The following HK1 variants were observed in gnomAD, a reference collection of about 807,000 sequenced individuals.
HK1 encodes hexokinase 1.
HK1 carries 28 observed loss-of-function variants against 91.6 expected under a neutral mutation model. The observed-to-expected ratio is 0.31, with a 90% confidence interval of 0.23 to 0.42. The LOEUF (loss-of-function observed/expected upper bound fraction) is 0.42, where lower values mean the gene tolerates loss of function less well. Among genes scored for constraint, HK1 ranks in the 10% least tolerant of loss-of-function variants. The pLI, the probability that HK1 is intolerant of heterozygous loss-of-function variation, is 1.00. For synonymous variants in HK1, 430 were observed against 468.1 expected (o/e 0.92, Z 1.05); for missense variants, 770 against 1,219.8 (o/e 0.63, Z 5.49).
chr10:69,367,933 G>A (rs185979962), intron 4 of HK1, among the ~76,000 whole-genome samples: 57 of 152,330 alleles, frequency 3.7e-4, no homozygotes, highest in African/African-American at 1.3e-3. Context: ...AATATGCAAA[G>A]TGAAATAGGA....
At chr10:69,294,087 T>G (rs1471158884) in intron 3 of HK1, among the ~76,000 whole-genome samples, 1 of 151,982 alleles carries the variant, frequency 6.6e-6, no homozygotes, top group African/African-American at 2.4e-5. Flanking sequence ...GGTCTCGATC[T>G]CCTGACCTTG....
intron 2 of HK1, among the ~76,000 whole-genome samples, chr10:69,283,913 A>T (rs1844894926): frequency 6.6e-6 from 1 of 152,132 alleles, no homozygotes; most frequent in South Asian, 2.1e-4. Context: ...TTTACAGATG[A>T]GGCCCAGAGA....
intron 7 of HK1, among the ~76,000 whole-genome samples, chr10:69,376,541 A>G (rs1178044135): frequency 1.3e-5 from 2 of 152,198 alleles, no homozygotes; most frequent in Non-Finnish European, 2.9e-5. Context: ...ATACGTACAT[A>G]CATAAAGATA....
At chr10:69,356,882 CAAAAAA>C (rs778360296) in intron 2 of HK1, among the ~76,000 whole-genome samples, 4 of 62,044 alleles carry the variant, frequency 6.4e-5, no homozygotes, top group African/African-American at 2.5e-4. Context: ...AACTCCATCT[CAAAAAA>C]AAAAAAAAAA....
In HK1 at chr10:69,280,128, GT is replaced by G. The variant is rs61586535; in HGVS notation, c.-390-2389del. Among the ~76,000 whole-genome samples the G allele has an allele frequency of 4.7e-4, 68 of 143,922 alleles. 1 individual carries two copies. The highest frequency in any genetic ancestry group is 8.9e-4 in the South Asian group (4 of 4,516). The allele number at this position is 143,922 out of a possible 152,430, so 94.4% of individuals were successfully genotyped here. ...CTGGCCAATGATGAAAAAAGGTTTT[GT>G]TTTTTTTTTTTAGACAGAGTCTCGC... On this transcript the variant is annotated intron_variant, in intron 1 of 21. Transcript: ENST00000360289.
At chr10:69,325,009 A>AGGT (rs1847246925) in intron 1 of HK1, among the ~76,000 whole-genome samples, 1 of 151,844 alleles carries the variant, frequency 6.6e-6, no homozygotes, top group South Asian at 2.1e-4. Flanking sequence ...AAACTTTGTA[A>AGGT]GGTGGAGTCA....
intron 2 of HK1, among the ~76,000 whole-genome samples, chr10:69,355,353 G>A (rs1314246571): frequency 6.6e-6 from 1 of 152,100 alleles, no homozygotes; most frequent in Non-Finnish European, 1.5e-5. Flanking sequence ...AATAACCAAA[G>A]CAATCATGAA....
At chr10:69,283,475 A>T (rs1039024748) in intron 2 of HK1, among the ~76,000 whole-genome samples, 1 of 149,488 alleles carries the variant, frequency 6.7e-6, no homozygotes, top group African/African-American at 2.5e-5. Context: ...ATAATAATAT[A>T]AATAAAAATA....
At chr10:69,300,562 C>A in intron 4 of HK1, 1 of 700,780 alleles carries the variant, frequency 1.4e-6, no homozygotes, top group South Asian at 1.6e-5. Flanking sequence ...CTGCATTTCT[C>A]TAGATCTTTG....
chr10:69,398,494 G>A (rs1840239706), intron 16 of HK1, 101 bp from the exon 17 acceptor site: 2 of 817,498 alleles, frequency 2.4e-6, no homozygotes, highest in Non-Finnish European at 4.1e-6. Flanking sequence ...GTCTGTGGAT[G>A]AGTACAGTGA....
intron 3 of HK1, among the ~76,000 whole-genome samples, chr10:69,361,878 C>T (rs899125995): frequency 3.9e-5 from 6 of 151,956 alleles, no homozygotes; most frequent in African/African-American, 4.8e-5. Flanking sequence ...AGTGCAGTGG[C>T]GCGATCTCAG....
At chr10:69,368,109 C>T (rs2132809951) in intron 4 of HK1, among the ~76,000 whole-genome samples, 1 of 152,314 alleles carries the variant, frequency 6.6e-6, no homozygotes, top group East Asian at 1.9e-4. Flanking sequence ...GTTTCTTTTT[C>T]CAATTTGGCT....
chr10:69,378,245 G>A (rs1236816288), intron 8 of HK1, among the ~76,000 whole-genome samples: 2 of 151,654 alleles, frequency 1.3e-5, no homozygotes, highest in South Asian at 2.1e-4. Context: ...TTGACTCTTT[G>A]GTTACCAAGA....
chr10:69,398,536 C>G (rs1346355430), intron 16 of HK1, 59 bp from the exon 17 acceptor site: 2 of 1,370,434 alleles, frequency 1.5e-6, no homozygotes, highest in African/African-American at 2.9e-5. Flanking sequence ...TGGACGTGGT[C>G]TCCAGGCTGC....
At chr10:69,313,452 ATTTAT>A (rs1439922493), upstream of HK1, among the ~76,000 whole-genome samples, 2 of 152,056 alleles carry the variant, frequency 1.3e-5, no homozygotes, top group African/African-American at 4.8e-5. Context: ...ATTTTATTTT[ATTTAT>A]TTTATTACTA....
chr10:69,303,403 A>G (rs1845970970), intron 5 of HK1, among the ~76,000 whole-genome samples: 1 of 147,442 alleles, frequency 6.8e-6, no homozygotes, highest in Non-Finnish European at 1.5e-5. Flanking sequence ...ATCAAGGTAG[A>G]GAATTGCAAT....
At chr10:69,286,056 T>G (rs1845017062) in intron 2 of HK1, among the ~76,000 whole-genome samples, 1 of 152,194 alleles carries the variant, frequency 6.6e-6, no homozygotes, top group South Asian at 2.1e-4. Flanking sequence ...CTGCAAGTAC[T>G]TTGGTAACTC....
At chr10:69,391,255 A>G (rs1176523986) in intron 14 of HK1, among the ~76,000 whole-genome samples, 1 of 152,248 alleles carries the variant, frequency 6.6e-6, no homozygotes, top group Non-Finnish European at 1.5e-5. Context: ...AATGCTGAAG[A>G]CACTGTCCTG....
chr10:69,343,247 T>C (rs1428076011), intron 1 of HK1, among the ~76,000 whole-genome samples: 1 of 152,250 alleles, frequency 6.6e-6, no homozygotes, highest in African/African-American at 2.4e-5. Flanking sequence ...TACTGTCTCA[T>C]GTTAATAATA....
Sources: allele counts gnomAD v4.1 joint callset (sites outside exome capture counted in the v4.1 genomes callset), GRCh38; gene constraint gnomAD v4.1.1; transcripts MANE v1.5; gene names NCBI Gene and HGNC (gene_info 2026-07-23, HGNC 2026-07-21).